HYCC2: variants seen among roughly 807,000 people sequenced by gnomAD.
HYCC2 encodes the protein hyccin PI4KA lipid kinase complex subunit 2.
chr2:201,044,489 G>T, the HYCC2 span, among the ~76,000 whole-genome samples: 4 of 152,182 alleles, frequency 2.6e-5, no homozygotes, highest in African/African-American at 9.7e-5. Flanking sequence ...TTGCAGGGAA[G>T]AAAACTCACA....
chr2:200,981,218 A>G, the HYCC2 span: 2 of 1,571,868 alleles, frequency 1.3e-6, no homozygotes, highest in Non-Finnish European at 1.7e-6. The surrounding 1 kb of genome is among the most constrained non-coding windows in gnomAD (Gnocchi z 4.5). Context: ...TTCTTGCACA[A>G]TGAAATGTTC....
chr2:201,033,082 G>A, the HYCC2 span, among the ~76,000 whole-genome samples: 2 of 147,912 alleles, frequency 1.4e-5, no homozygotes, highest in African/African-American at 5.0e-5. Context: ...AACTACAATT[G>A]GTCCATTTTT....
the HYCC2 span, chr2:200,981,167 A>C: frequency 7.4e-7 from 1 of 1,358,298 alleles, no homozygotes; most frequent in African/African-American, 1.5e-5. The surrounding 1 kb of genome is among the most constrained non-coding windows in gnomAD (Gnocchi z 4.5). Flanking sequence ...ATGAAATCTG[A>C]TAACAGTGAC....
the HYCC2 span, among the ~76,000 whole-genome samples, chr2:201,015,089 T>C: frequency 6.6e-6 from 1 of 152,186 alleles, no homozygotes; most frequent in South Asian, 2.1e-4. Context: ...TCACGATTCT[T>C]TATTGATGAG....
At chr2:201,059,966 C>A in the HYCC2 span, among the ~76,000 whole-genome samples, 1 of 150,148 alleles carries the variant, frequency 6.7e-6, no homozygotes, top group Middle Eastern at 3.5e-3. Flanking sequence ...ATCACTTGAA[C>A]CCGGGAGGCG....
the HYCC2 span, among the ~76,000 whole-genome samples, chr2:201,028,148 A>G: frequency 2.0e-5 from 3 of 152,234 alleles, no homozygotes; most frequent in Non-Finnish European, 1.5e-5. Context: ...TGCAAAAATC[A>G]TAAGCATTCC....
At chr2:201,062,535 C>CA in the HYCC2 span, among the ~76,000 whole-genome samples, 1 of 151,820 alleles carries the variant, frequency 6.6e-6, no homozygotes, top group African/African-American at 2.4e-5. Context: ...CCTGTAGTCC[C>CA]AGCTACTTGG....
chr2:201,064,321 C>T, the HYCC2 span, among the ~76,000 whole-genome samples: 1 of 151,124 alleles, frequency 6.6e-6, no homozygotes, highest in Non-Finnish European at 1.5e-5. Context: ...TTTTTTTTTG[C>T]ACCCATGCTG....
At chr2:200,997,693 T>C in the HYCC2 span, among the ~76,000 whole-genome samples, 1 of 152,246 alleles carries the variant, frequency 6.6e-6, no homozygotes, top group African/African-American at 2.4e-5. Flanking sequence ...ATTCTCCTTA[T>C]TACAAATCAT....
chr2:201,043,699 A>T, the HYCC2 span, among the ~76,000 whole-genome samples: 9 of 151,764 alleles, frequency 5.9e-5, no homozygotes, highest in Non-Finnish European at 1.2e-4. Flanking sequence ...TAGTAGAGAC[A>T]GGGATTCACT....
chr2:201,065,324 C>T, the HYCC2 span, among the ~76,000 whole-genome samples: 5 of 152,248 alleles, frequency 3.3e-5, no homozygotes, highest in East Asian at 3.9e-4. Context: ...GATATAGATG[C>T]ACTATAGTCT....
the HYCC2 span, among the ~76,000 whole-genome samples, chr2:200,991,366 G>A: frequency 6.6e-6 from 1 of 152,024 alleles, no homozygotes; most frequent in Non-Finnish European, 1.5e-5. Context: ...TCAGGAGATC[G>A]AGACCATCCT....
the HYCC2 span, chr2:200,980,153 T>C: frequency 3.3e-5 from 5 of 152,636 alleles, no homozygotes; most frequent in African/African-American, 9.6e-5. Context: ...GAGTATGTAA[T>C]GTATCAGGAC....
the HYCC2 span, among the ~76,000 whole-genome samples, chr2:201,044,172 C>T: frequency 1.3e-5 from 2 of 152,140 alleles, no homozygotes; most frequent in Non-Finnish European, 2.9e-5. Flanking sequence ...TGCCTTAGTT[C>T]CAGAATGTAT....
chr2:201,038,168 T>A, the HYCC2 span, among the ~76,000 whole-genome samples: 3 of 151,954 alleles, frequency 2.0e-5, no homozygotes, highest in Non-Finnish European at 4.4e-5. Context: ...GCCATCAGAG[T>A]AATGCAAATC....
the HYCC2 span, among the ~76,000 whole-genome samples, chr2:201,025,473 AAAG>A: frequency 4.6e-5 from 7 of 152,208 alleles, no homozygotes; most frequent in South Asian, 2.1e-4. Flanking sequence ...AAAGAAAAGA[AAAG>A]AAGGAGAGAA....
the HYCC2 span, chr2:201,011,245 A>C: frequency 4.1e-6 from 2 of 489,194 alleles, no homozygotes; most frequent in Non-Finnish European, 7.1e-6. Flanking sequence ...CTCTCGTCAC[A>C]GCTCAGTCTT....
the HYCC2 span, among the ~76,000 whole-genome samples, chr2:200,983,603 CA>C: frequency 1.3e-5 from 2 of 152,254 alleles, no homozygotes; most frequent in South Asian, 4.1e-4. Context: ...TCAACCTCTT[CA>C]AAAGAACTGT....
the HYCC2 span, chr2:200,975,703 A>G: frequency 1.3e-5 from 2 of 152,068 alleles, no homozygotes; most frequent in African/African-American, 4.8e-5. Flanking sequence ...GCTAATTTCT[A>G]TCCTGAATTG....
Sources: allele counts gnomAD v4.1 joint callset (sites outside exome capture counted in the v4.1 genomes callset), GRCh38; gene constraint gnomAD v4.1.1; non-coding constraint Gnocchi (gnomAD v3.1); transcripts MANE v1.5; gene names NCBI Gene and HGNC (gene_info 2026-07-23, HGNC 2026-07-21).